RASSF5: variants seen among roughly 807,000 people sequenced by gnomAD.
RASSF5 encodes the protein ras association domain-containing protein 5.
A neutral mutation model predicts 40.5 loss-of-function variants in RASSF5; 25 were observed. The ratio of observed to expected loss-of-function variants is 0.62; its 90% CI spans 0.45 to 0.86. The LOEUF is 0.86. RASSF5 is among the 40% of genes least tolerant of loss of function. The probability of loss-of-function intolerance (pLI) is 0.00; values close to 1 mark genes in which losing one functional copy is unlikely to be tolerated. For missense variants in RASSF5, 521 were observed against 572.8 expected (o/e 0.91, Z 0.92); for synonymous variants, 246 against 252.4 (o/e 0.97, Z 0.24).
At chr1:206,511,605 G>A (rs556157952) in intron 1 of RASSF5, among the ~76,000 whole-genome samples, 1 of 152,296 alleles carries the variant, frequency 6.6e-6, no homozygotes, top group Non-Finnish European at 1.5e-5. Context: ...GAGCTGTGAA[G>A]TGTTAAGTGA....
Position 206,532,058 on chromosome 1 carries a change from GA to G in RASSF5, c.458-6104del, listed in dbSNP as rs11378863. Among the ~76,000 whole-genome samples, 146 of 150,108 alleles carry G rather than the reference GA, an allele frequency of 9.7e-4. 1 individual carries two copies. The highest frequency in any genetic ancestry group is 3.2e-3 in the African/African-American group (129 of 40,880). On this transcript the variant is annotated intron_variant, in intron 1 of 5. Coordinates refer to ENST00000579436, the MANE Select transcript of RASSF5 (RefSeq NM_182663.4). Reference sequence around the variant, plus strand: ...CAGGGTGAGACTCTGTCTCAAAAAAGAAAAAAAAAATCTTTGGTAAATTGTA... The same window carrying G: ...CAGGGTGAGACTCTGTCTCAAAAAAGAAAAAAAAATCTTTGGTAAATTGTA...
At chr1:206,523,825 T>C (rs1327775790) in intron 1 of RASSF5, among the ~76,000 whole-genome samples, 1 of 106,522 alleles carries the variant, frequency 9.4e-6, no homozygotes, top group South Asian at 2.4e-4. Context: ...TTATATATTA[T>C]ATATAATATA....
At chr1:206,532,536 G>A (rs757097743) in intron 1 of RASSF5, among the ~76,000 whole-genome samples, 1 of 152,206 alleles carries the variant, frequency 6.6e-6, no homozygotes, top group African/African-American at 2.4e-5. Flanking sequence ...GAGAGGGAAG[G>A]GGGTGTTAAG....
At chr1:206,558,382 C>T (rs1553402094) in intron 2 of RASSF5, among the ~76,000 whole-genome samples, 1 of 151,776 alleles carries the variant, frequency 6.6e-6, no homozygotes, top group African/African-American at 2.4e-5. Flanking sequence ...TCCTAGTTGG[C>T]TGCAGGCCTC....
At chr1:206,575,319 G>A (rs547666296) in intron 2 of RASSF5, among the ~76,000 whole-genome samples, 12 of 152,192 alleles carry the variant, frequency 7.9e-5, no homozygotes, top group African/African-American at 2.7e-4. Flanking sequence ...CCTTCCAAGG[G>A]GTGAAAGAAT....
chr1:206,546,089 A>ATTTTTTTT lies in RASSF5; in HGVS notation c.579+7826_579+7833dup, dbSNP rs10603701. ...TTTTTCTTTTCTTTCTTCTTTTTCTATTTTTTTTTTTTTTTTTTTTTTTTT... is the reference window on the plus strand; with the variant it reads ...TTTTTCTTTTCTTTCTTCTTTTTCTATTTTTTTTTTTTTTTTTTTTTTTTTTTTTTTTT... On this transcript the variant is annotated intron_variant, in intron 2 of 5. Coordinates refer to ENST00000579436, the MANE Select transcript of RASSF5 (RefSeq NM_182663.4). 2.1e-4 allele frequency among the ~76,000 whole-genome samples: 10 copies of ATTTTTTTT among 48,234 alleles called. 1 individual carries two copies. Among genetic ancestry groups the ATTTTTTTT allele is most frequent in the African/African-American group, 4.1e-4 (5 of 12,340 alleles). The allele number at this position is 48,234 out of a possible 152,430, so 31.6% of individuals were successfully genotyped here.
At chr1:206,523,908 TTA>T (rs1439319088) in intron 1 of RASSF5, among the ~76,000 whole-genome samples, 8 of 113,272 alleles carry the variant, frequency 7.1e-5, no homozygotes, top group South Asian at 2.4e-4. Context: ...CATATATATT[TTA>T]TATATAATAT....
rs187585247 is a variant in RASSF5, at chr1:206,560,305, G to T, written c.579+22012G>T. ...TGCTGTGCGATGCCACCACCTGGGA[G>T]TTGCCACTGGTCAGTCCCAGGAGTT... On this transcript the variant is annotated intron_variant, in intron 2 of 5. Coordinates refer to ENST00000579436, the MANE Select transcript of RASSF5 (RefSeq NM_182663.4). This position sits in a 1 kb window ranked among gnomAD's most constrained non-coding sequence, Gnocchi z 5.1. 6.1e-4 allele frequency among the ~76,000 whole-genome samples: 93 copies of T among 152,348 alleles called. No individual in the cohort carries two copies. The highest frequency in any genetic ancestry group is 3.4e-3 in the Middle Eastern group (1 of 294).
At chr1:206,569,584 T>C (rs1553403892) in intron 2 of RASSF5, among the ~76,000 whole-genome samples, 1 of 152,256 alleles carries the variant, frequency 6.6e-6, no homozygotes, top group Non-Finnish European at 1.5e-5. Flanking sequence ...CTCAGTCTGC[T>C]GGCCCTGTGA....
intron 2 of RASSF5, among the ~76,000 whole-genome samples, chr1:206,566,740 G>A (rs906270298): frequency 6.6e-6 from 1 of 152,142 alleles, no homozygotes; most frequent in Non-Finnish European, 1.5e-5. Context: ...GAGTGTTAGA[G>A]GGCATTTCCA....
At chr1:206,554,548 C>T (rs957149829) in intron 2 of RASSF5, among the ~76,000 whole-genome samples, 1 of 152,216 alleles carries the variant, frequency 6.6e-6, no homozygotes, top group African/African-American at 2.4e-5. Flanking sequence ...TTAGATCCAG[C>T]CTCCTCTTCC....
intron 1 of RASSF5, among the ~76,000 whole-genome samples, chr1:206,509,311 G>T (rs941721625): frequency 4.6e-5 from 7 of 152,240 alleles, no homozygotes; most frequent in Non-Finnish European, 7.3e-5. Flanking sequence ...CAGGGAAATA[G>T]AACTCAGACA....
At chr1:206,559,195 TAG>T (rs1668074531) in intron 2 of RASSF5, among the ~76,000 whole-genome samples, 2 of 152,222 alleles carry the variant, frequency 1.3e-5, no homozygotes, top group African/African-American at 4.8e-5. Flanking sequence ...ACTATTTCTC[TAG>T]AGTGTTTTGT....
chr1:206,538,682 C>T (rs1667475871), intron 2 of RASSF5, among the ~76,000 whole-genome samples: 1 of 152,212 alleles, frequency 6.6e-6, no homozygotes, highest in African/African-American at 2.4e-5. Context: ...CAGGCCAGCC[C>T]AACCTTCAGA....
chr1:206,540,033 G>T (rs1318846063), intron 2 of RASSF5, among the ~76,000 whole-genome samples: 1 of 152,094 alleles, frequency 6.6e-6, no homozygotes, highest in Admixed American at 6.6e-5. Flanking sequence ...TCAAAAGGCG[G>T]CAATTTTACT....
intron 2 of RASSF5, among the ~76,000 whole-genome samples, chr1:206,574,235 G>GC (rs1558518806): frequency 1.1e-4 from 16 of 152,204 alleles, no homozygotes; most frequent in African/African-American, 3.9e-4. Flanking sequence ...GAGTCTGCGG[G>GC]AGTGGCCTGA....
intron 2 of RASSF5, among the ~76,000 whole-genome samples, chr1:206,549,392 TCA>T (rs1293254574): frequency 3.9e-5 from 6 of 152,214 alleles, no homozygotes; most frequent in African/African-American, 1.4e-4. Context: ...TCTGGGCTCC[TCA>T]CAGCCTATCC....
intron 2 of RASSF5, among the ~76,000 whole-genome samples, chr1:206,551,771 GA>G (rs1667848332): frequency 6.6e-6 from 1 of 152,224 alleles, no homozygotes; most frequent in African/African-American, 2.4e-5. Context: ...TTCCTGAGAT[GA>G]CCCCCAGGTG....
chr1:206,584,857 AGAGTCCCT>A lies in RASSF5; in HGVS notation c.988+176_988+183del. The A allele has an allele frequency of 1.5e-6, 1 of 688,360 alleles. No individual in the cohort carries two copies. The highest frequency in any genetic ancestry group is 2.4e-6 in the Non-Finnish European group (1 of 412,416). The allele number at this position is 688,360 out of a possible 1,614,324, so 42.6% of individuals were successfully genotyped here. Reference sequence around the variant, plus strand: ...GGAATCCGGGCAGGGAGGCAAGAGCAGAGTCCCTGACTCTGCATGTGACTTCAGGAAAA... The same window carrying A: ...GGAATCCGGGCAGGGAGGCAAGAGCAGACTCTGCATGTGACTTCAGGAAAA... On this transcript the variant is annotated intron_variant, in intron 4 of 5. Coordinates refer to ENST00000579436, the MANE Select transcript of RASSF5 (RefSeq NM_182663.4). The surrounding 1 kb of genome is among the most constrained non-coding windows in gnomAD (Gnocchi z 4.9).
Sources: gnomAD v4.1 joint callset for allele counts (sites outside exome capture counted in the v4.1 genomes callset) on GRCh38, gnomAD v4.1.1 for gene constraint, Gnocchi (gnomAD v3.1) non-coding constraint, MANE v1.5 for transcripts, NCBI Gene and HGNC (gene_info 2026-07-23, HGNC 2026-07-21) for gene names.